NBEA: variants seen among roughly 807,000 people sequenced by gnomAD.
NBEA encodes the protein lysosomal-trafficking regulator 2.
In NBEA, 44 loss-of-function variants were observed where a neutral mutation model predicts 343.4. The observed-to-expected ratio is 0.13, with a 90% CI of 0.10 to 0.16. The LOEUF is 0.16. Ranked by LOEUF, NBEA falls within the 10% of genes least tolerant of loss-of-function variation. The pLI is 1.00. For synonymous variants in NBEA, 1,175 were observed against 1,238.7 expected (o/e 0.95, Z 1.08); for missense variants, 2,555 against 3,631.3 (o/e 0.70, Z 7.62).
At chr13:35,461,747 A>C (rs567353389) in intron 40 of NBEA, among the ~76,000 whole-genome samples, 2 of 152,328 alleles carry the variant, frequency 1.3e-5, no homozygotes, top group African/African-American at 4.8e-5. Flanking sequence ...AGTTAAAAAG[A>C]GATTTTGCCA....
At chr13:35,389,112 G>T (rs1246272788) in intron 38 of NBEA, among the ~76,000 whole-genome samples, 2 of 150,104 alleles carry the variant, frequency 1.3e-5, no homozygotes, top group Non-Finnish European at 3.0e-5. Context: ...GCCTCTTGCT[G>T]TTCACAGCCG....
intron 13 of NBEA, among the ~76,000 whole-genome samples, chr13:35,114,719 T>G (rs2066409104): frequency 6.6e-6 from 1 of 152,182 alleles, no homozygotes; most frequent in African/African-American, 2.4e-5. Flanking sequence ...GTACATATAT[T>G]TTAAATGAAA....
intron 33 of NBEA, among the ~76,000 whole-genome samples, chr13:35,225,519 G>A (rs1308230254): frequency 1.3e-5 from 2 of 152,092 alleles, no homozygotes; most frequent in Non-Finnish European, 2.9e-5. Flanking sequence ...AGCAATGAAG[G>A]AAGTTTTCTG....
intron 16 of NBEA, among the ~76,000 whole-genome samples, chr13:35,122,094 C>T (rs1427922756): frequency 2.0e-5 from 3 of 152,038 alleles, no homozygotes; most frequent in Non-Finnish European, 4.4e-5. Context: ...TATGGCCCTA[C>T]TTTTATATAG....
chr13:35,407,312 C>T (rs907441510), intron 38 of NBEA, among the ~76,000 whole-genome samples: 2 of 151,910 alleles, frequency 1.3e-5, no homozygotes, highest in South Asian at 4.2e-4. Context: ...CCCTTAAAGA[C>T]TATAAAACCA....
chr13:35,641,842 A>T (rs2083969688), intron 49 of NBEA, among the ~76,000 whole-genome samples: 1 of 152,142 alleles, frequency 6.6e-6, no homozygotes, highest in Non-Finnish European at 1.5e-5. Flanking sequence ...ATATACATAC[A>T]TATATACATT....
At chr13:34,961,584 T>A (rs2059663424) in intron 1 of NBEA, among the ~76,000 whole-genome samples, 1 of 152,098 alleles carries the variant, frequency 6.6e-6, no homozygotes, top group African/African-American at 2.4e-5. Context: ...TCCCACAAAC[T>A]TTTATTGATT....
intron 41 of NBEA, among the ~76,000 whole-genome samples, chr13:35,501,509 GTC>G (rs1288516889): frequency 5.9e-5 from 9 of 152,070 alleles, no homozygotes; most frequent in African/African-American, 2.2e-4. Flanking sequence ...GTTTTATAAA[GTC>G]TCTGATTTGC....
intron 1 of NBEA, among the ~76,000 whole-genome samples, chr13:34,966,620 T>TG (rs2059827723): frequency 6.7e-6 from 1 of 150,142 alleles, no homozygotes; most frequent in South Asian, 2.1e-4. Context: ...TCTGAGCCTG[T>TG]GTTTTTTTTT....
chr13:35,082,263 C>G (rs1032246058), intron 10 of NBEA, among the ~76,000 whole-genome samples: 3 of 152,108 alleles, frequency 2.0e-5, no homozygotes, highest in African/African-American at 7.2e-5. Context: ...TTTTTTATGG[C>G]TGTATAGTAT....
chr13:34,966,189 G>A (rs2152495147), intron 1 of NBEA, among the ~76,000 whole-genome samples: 1 of 152,212 alleles, frequency 6.6e-6, no homozygotes, highest in East Asian at 1.9e-4. Context: ...GCAATATGGA[G>A]CAAGAGGCTT....
At position 35,200,739 on chromosome 13, in the gene NBEA, C is replaced by A. The variant is rs540489620; in HGVS notation, c.5366+4437C>A. 5.0e-3 allele frequency among the ~76,000 whole-genome samples: 759 copies of A among 151,904 alleles called. 2 individuals are homozygous for A. Among genetic ancestry groups the A allele is most frequent in the Non-Finnish European group, 8.1e-3 (548 of 67,868 alleles). ...GTTTAATTATCTGAAAAAGAAAAATCTATTTTGTAAATAATATAGGGCCAA... is the reference window on the plus strand; with the variant it reads ...GTTTAATTATCTGAAAAAGAAAAATATATTTTGTAAATAATATAGGGCCAA... On this transcript the variant is annotated intron_variant, in intron 31 of 58. Coordinates refer to ENST00000379939, the MANE Select transcript of NBEA (RefSeq NM_001385012.1).
intron 1 of NBEA, among the ~76,000 whole-genome samples, chr13:35,025,706 C>G (rs1025221037): frequency 1.3e-5 from 2 of 152,082 alleles, no homozygotes; most frequent in African/African-American, 4.8e-5. Context: ...TTTTATCTCT[C>G]ACTAGTCTCA....
intron 34 of NBEA, among the ~76,000 whole-genome samples, chr13:35,247,838 A>G (rs1322447031): frequency 2.0e-5 from 3 of 152,196 alleles, no homozygotes; most frequent in African/African-American, 7.2e-5. Context: ...TTATTTTATT[A>G]AAAAGATCAA....
At chr13:35,509,221 T>C (rs2077181054) in intron 41 of NBEA, among the ~76,000 whole-genome samples, 1 of 152,166 alleles carries the variant, frequency 6.6e-6, no homozygotes, top group African/African-American at 2.4e-5. Flanking sequence ...GGCTGGTAGC[T>C]GGTTCTTCTA....
chr13:35,432,656 C>A lies in NBEA; in HGVS notation c.6304+263C>A, dbSNP rs2045199184. ...ACATAGTTAGTTATTAACTAACAGT[C>A]CTTTCATATATCCTAACACAAGAAT... On this transcript the variant is annotated intron_variant, in intron 39 of 58. Transcript: ENST00000379939. Among the ~76,000 whole-genome samples the A allele has an allele frequency of 2.0e-5, 3 of 151,304 alleles. No homozygotes were observed. The South Asian group carries it at 6.3e-4, about 32-fold the overall frequency.
At chr13:34,997,403 C>A (rs1235588468) in intron 1 of NBEA, among the ~76,000 whole-genome samples, 1 of 152,138 alleles carries the variant, frequency 6.6e-6, no homozygotes, top group Non-Finnish European at 1.5e-5. Flanking sequence ...GATTCCATTG[C>A]ACATTGATAT....
chr13:35,199,776 C>T (rs1222541166), intron 31 of NBEA, among the ~76,000 whole-genome samples: 1 of 152,038 alleles, frequency 6.6e-6, no homozygotes, highest in African/African-American at 2.4e-5. Flanking sequence ...TTCTTAGAAA[C>T]ATTTAGACTT....
At chr13:35,439,626 A>C (rs2045627256) in intron 39 of NBEA, among the ~76,000 whole-genome samples, 1 of 152,252 alleles carries the variant, frequency 6.6e-6, no homozygotes, top group African/African-American at 2.4e-5. Flanking sequence ...GATATATCTA[A>C]TGTAAATGGC....
Sources: gnomAD v4.1 joint callset for allele counts (sites outside exome capture counted in the v4.1 genomes callset) on GRCh38, gnomAD v4.1.1 for gene constraint, MANE v1.5 for transcripts, NCBI Gene and HGNC (gene_info 2026-07-23, HGNC 2026-07-21) for gene names.